The following RBFOX1 variants were observed in gnomAD, a reference collection of about 807,000 sequenced individuals.
The protein encoded by RBFOX1 is RNA binding protein fox-1 homolog 1.
RBFOX1 carries 8 observed loss-of-function variants against 57.7 expected under a neutral mutation model. The ratio of observed to expected loss-of-function variants is 0.14; its 90% CI spans 0.08 to 0.25. The LOEUF (loss-of-function observed/expected upper bound fraction) is 0.25. Among genes scored for constraint, RBFOX1 ranks in the 10% least tolerant of loss-of-function variants. The pLI, the probability that RBFOX1 is intolerant of heterozygous loss-of-function variation, is 1.00. For missense variants in RBFOX1, 611 were observed against 548.5 expected (o/e 1.11, Z -1.14); for synonymous variants, 326 against 222.4 (o/e 1.47, Z -4.15).
chr16:7,333,189 A>G, intron 4 of RBFOX1: 2 of 1,125,752 alleles, frequency 1.8e-6, no homozygotes. Context: ...TAATACAGGA[A>G]AAAGCCCTCG....
intron 3 of RBFOX1, among the ~76,000 whole-genome samples, chr16:7,048,257 G>C (rs553171799): frequency 2.0e-5 from 3 of 150,576 alleles, no homozygotes; most frequent in East Asian, 2.0e-4. Context: ...TTTTTGTTTT[G>C]TTTTGTTTGT....
chr16:5,945,232 G>T (rs528635571), intron 4 of RBFOX1, among the ~76,000 whole-genome samples: 8 of 152,256 alleles, frequency 5.3e-5, no homozygotes, highest in African/African-American at 1.9e-4. Context: ...AAGCTGCCTG[G>T]CCCTTCGTGG....
chr16:5,304,573 A>G (rs2063886266), intron 1 of RBFOX1, among the ~76,000 whole-genome samples: 1 of 152,224 alleles, frequency 6.6e-6, no homozygotes, highest in Admixed American at 6.5e-5. Flanking sequence ...TCATTCATTC[A>G]TTGAATAAAT....
intron 2 of RBFOX1, among the ~76,000 whole-genome samples, chr16:6,426,270 T>A (rs111630687): frequency 6.8e-6 from 1 of 146,498 alleles, no homozygotes; most frequent in Non-Finnish European, 1.5e-5. Context: ...GATGGGGAGA[T>A]GAAGAGAAAG....
chr16:7,461,415 C>T (rs1284026639), intron 4 of RBFOX1, among the ~76,000 whole-genome samples: 1 of 152,086 alleles, frequency 6.6e-6, no homozygotes. Flanking sequence ...ATCCGCTCAC[C>T]TTAGCCTCCC....
chr16:6,178,740 G>T (rs970870328), intron 1 of RBFOX1, among the ~76,000 whole-genome samples: 1 of 152,060 alleles, frequency 6.6e-6, no homozygotes, highest in Non-Finnish European at 1.5e-5. Context: ...GTAGCTAGTT[G>T]TCATGGCTGG....
At chr16:5,433,761 C>T (rs2067825108) in intron 1 of RBFOX1, among the ~76,000 whole-genome samples, 1 of 152,174 alleles carries the variant, frequency 6.6e-6, no homozygotes, top group South Asian at 2.1e-4. Flanking sequence ...GATTCCGTAG[C>T]GTAAGGTGTC....
At chr16:6,511,625 C>G (rs1030205288) in intron 2 of RBFOX1, among the ~76,000 whole-genome samples, 26 of 152,190 alleles carry the variant, frequency 1.7e-4, no homozygotes, top group African/African-American at 6.0e-4. Flanking sequence ...GAATGAGCGC[C>G]AAAGAGGGAG....
chr16:5,974,991 A>G (rs1242268127), intron 4 of RBFOX1, among the ~76,000 whole-genome samples: 1 of 152,196 alleles, frequency 6.6e-6, no homozygotes, highest in East Asian at 1.9e-4. Flanking sequence ...CTGGGCAACA[A>G]GAGCGAAACT....
intron 4 of RBFOX1, among the ~76,000 whole-genome samples, chr16:7,110,458 C>T (rs1042298497): frequency 6.6e-6 from 1 of 152,122 alleles, no homozygotes; most frequent in Middle Eastern, 3.2e-3. Context: ...GGAGACAAGA[C>T]TTCAGCCAAT....
At chr16:6,335,362 G>A (rs950181116) in intron 2 of RBFOX1, among the ~76,000 whole-genome samples, 1 of 152,088 alleles carries the variant, frequency 6.6e-6, no homozygotes, top group South Asian at 2.1e-4. Context: ...AAACAAATAC[G>A]TCCTCAGAGA....
At chr16:6,684,449 A>C (rs1394534805) in intron 3 of RBFOX1, among the ~76,000 whole-genome samples, 1 of 152,224 alleles carries the variant, frequency 6.6e-6, no homozygotes, top group Non-Finnish European at 1.5e-5. Context: ...GATGCAATCA[A>C]TTGCTGGCCA....
intron 2 of RBFOX1, among the ~76,000 whole-genome samples, chr16:6,417,688 C>A (rs1285840550): frequency 7.7e-6 from 1 of 129,912 alleles, no homozygotes; most frequent in African/African-American, 3.2e-5. Context: ...CCATGTCTGG[C>A]CTTAAACTCC....
At chr16:6,895,416 A>ATGTGTGTG (rs1283665182) in intron 3 of RBFOX1, among the ~76,000 whole-genome samples, 7 of 79,902 alleles carry the variant, frequency 8.8e-5, no homozygotes, top group African/African-American at 3.1e-4. Flanking sequence ...TGTTAGTAAT[A>ATGTGTGTG]TATGTGTGTG....
chr16:6,637,733 A>G (rs1365557568), intron 2 of RBFOX1, among the ~76,000 whole-genome samples: 1 of 151,594 alleles, frequency 6.6e-6, no homozygotes, highest in Non-Finnish European at 1.5e-5. Flanking sequence ...CTAGAAGAAT[A>G]TTGTAATACA....
intron 3 of RBFOX1, among the ~76,000 whole-genome samples, chr16:5,765,843 G>A (rs1051320956): frequency 6.6e-6 from 1 of 152,322 alleles, no homozygotes; most frequent in Middle Eastern, 3.4e-3. Flanking sequence ...CAAGAACAAG[G>A]ATGGGAGTGT....
chr16:5,265,002 C>CTG (rs555034751), intron 1 of RBFOX1, among the ~76,000 whole-genome samples: 1,569 of 151,512 alleles, frequency 0.01, 24 homozygotes, highest in African/African-American at 0.027. Context: ...TGGAATTTCT[C>CTG]TGTGTGTGTG....
At chr16:7,081,754 C>T (rs1285285277) in intron 4 of RBFOX1, among the ~76,000 whole-genome samples, 1 of 151,690 alleles carries the variant, frequency 6.6e-6, no homozygotes, top group Non-Finnish European at 1.5e-5. Context: ...TACTGATCAC[C>T]CTGGCCTTGG....
intron 4 of RBFOX1, among the ~76,000 whole-genome samples, chr16:7,362,493 G>A (rs1278150119): frequency 6.7e-6 from 1 of 148,322 alleles, no homozygotes; most frequent in Non-Finnish European, 1.5e-5. Flanking sequence ...TTGTGTATAT[G>A]TTAGTATGTG....
Sources: gnomAD v4.1 joint callset for allele counts (sites outside exome capture counted in the v4.1 genomes callset) on GRCh38, gnomAD v4.1.1 for gene constraint, MANE v1.5 for transcripts, NCBI Gene and HGNC (gene_info 2026-07-23, HGNC 2026-07-21) for gene names.